The following CCDC7 variants were observed in gnomAD, a reference collection of about 807,000 sequenced individuals.
CCDC7 encodes the protein coiled-coil domain-containing protein 7.
A neutral mutation model predicts 196.9 loss-of-function variants in CCDC7; 183 were observed. That is an observed-to-expected ratio of 0.93 (90% CI 0.82 to 1.05). The LOEUF is 1.05. Ranked by LOEUF, CCDC7 falls within the 50% of genes least tolerant of loss-of-function variation. The pLI is 0.00. For synonymous variants in CCDC7, 525 were observed against 484.6 expected (o/e 1.08, Z -1.10); for missense variants, 1,540 against 1,482.2 (o/e 1.04, Z -0.64).
intron 16 of CCDC7, among the ~76,000 whole-genome samples, chr10:32,573,776 A>C (rs2057868000): frequency 6.6e-6 from 1 of 152,182 alleles, no homozygotes; most frequent in African/African-American, 2.4e-5. Flanking sequence ...GAGGAAGATT[A>C]TTTTAATTCA....
chr10:32,804,606 G>C (rs373403362), intron 29 of CCDC7, among the ~76,000 whole-genome samples: 1 of 151,950 alleles, frequency 6.6e-6, no homozygotes, highest in Non-Finnish European at 1.5e-5. Flanking sequence ...GTTATGTTTC[G>C]TCTTACCAGG....
At chr10:32,701,930 C>G (rs1050569924) in intron 24 of CCDC7, among the ~76,000 whole-genome samples, 3 of 152,016 alleles carry the variant, frequency 2.0e-5, no homozygotes, top group African/African-American at 7.2e-5. Context: ...TAGTCTTGCT[C>G]TAGCGGTCTG....
chr10:32,711,126 G>GTGTATA (rs1555042333), intron 24 of CCDC7, among the ~76,000 whole-genome samples: 48 of 146,742 alleles, frequency 3.3e-4, no homozygotes, highest in African/African-American at 1.2e-3. Context: ...GTGTGTGTGT[G>GTGTATA]TATATATATA....
intron 14 of CCDC7, among the ~76,000 whole-genome samples, chr10:32,566,454 TAAG>T (rs2056805412): frequency 6.6e-6 from 1 of 152,124 alleles, no homozygotes; most frequent in Non-Finnish European, 1.5e-5. Flanking sequence ...TGTCCATTGT[TAAG>T]GAGTTTGCTA....
chr10:32,626,510 G>T (rs970672807), intron 18 of CCDC7, among the ~76,000 whole-genome samples: 4 of 151,744 alleles, frequency 2.6e-5, no homozygotes, highest in African/African-American at 9.7e-5. Flanking sequence ...TAATTCATAG[G>T]TTGTCTCTTC....
rs180697424 is a variant in CCDC7, at chr10:32,596,089, G to A, written c.1801+11785G>A. Among the ~76,000 whole-genome samples the A allele has an allele frequency of 1.9e-3, 293 of 152,254 alleles. 1 individual carries two copies. The highest frequency in any genetic ancestry group is 5.4e-4 in the Non-Finnish European group (37 of 68,024). ...TGTTGCAGAGCTGAGTTCATTTCCT[G>A]GATATCCTTGTTAACTTTCTGTCTG... On this transcript the variant is annotated intron_variant, in intron 18 of 41. Transcript: ENST00000639629.
intron 28 of CCDC7, among the ~76,000 whole-genome samples, chr10:32,743,021 A>G (rs1298470451): frequency 6.6e-6 from 1 of 152,222 alleles, no homozygotes; most frequent in African/African-American, 2.4e-5. Context: ...GTAGTGCTGA[A>G]TACTCTGGAT....
intron 29 of CCDC7, among the ~76,000 whole-genome samples, chr10:32,780,077 A>C (rs1247620272): frequency 6.6e-6 from 1 of 152,162 alleles, no homozygotes; most frequent in African/African-American, 2.4e-5. Flanking sequence ...TCTCTACAAA[A>C]ATACAAAAAA....
At chr10:32,570,359 T>A (rs542041712) in intron 15 of CCDC7, among the ~76,000 whole-genome samples, 2 of 152,338 alleles carry the variant, frequency 1.3e-5, no homozygotes, top group African/African-American at 4.8e-5. Flanking sequence ...GACTAATTGG[T>A]CTCTCTCTTT....
chr10:32,509,360 AGAAT>A (rs887803911), intron 9 of CCDC7, among the ~76,000 whole-genome samples: 1 of 152,206 alleles, frequency 6.6e-6, no homozygotes, highest in Admixed American at 6.5e-5. Context: ...TATATGCAAA[AGAAT>A]GATGTTGGAC....
rs2083515541 is a variant in CCDC7 at position 32,729,000 on chromosome 10, G to A, written c.2779+3G>A. 1 of 1,543,832 alleles carries A rather than the reference G, an allele frequency of 6.5e-7. No individual in the cohort carries two copies. The highest frequency in any genetic ancestry group is 8.9e-7 in the Non-Finnish European group (1 of 1,120,532). On this transcript the variant is annotated splice_donor_region_variant and intron_variant, in intron 27 of 41. Coordinates refer to ENST00000639629, the Ensembl canonical transcript of CCDC7. ...TTCTGGAGTGGAAAGACACAAGAGTGAGTATAATAATTATCGATAACTTTA... is the reference window on the plus strand; with the variant it reads ...TTCTGGAGTGGAAAGACACAAGAGTAAGTATAATAATTATCGATAACTTTA...
At chr10:32,633,696 A>ATATGTGTGTG (rs779341941) in intron 18 of CCDC7, among the ~76,000 whole-genome samples, 21 of 135,226 alleles carry the variant, frequency 1.6e-4, no homozygotes, top group South Asian at 8.2e-4. Context: ...ATATATATAT[A>ATATGTGTGTG]TGTGTGTGTG....
intron 18 of CCDC7, among the ~76,000 whole-genome samples, chr10:32,623,436 T>C (rs971056796): frequency 2.0e-5 from 3 of 152,196 alleles, no homozygotes; most frequent in Admixed American, 6.5e-5. Flanking sequence ...TTTTTTAATA[T>C]ATTTTCATTT....
rs558470497 is a variant in CCDC7 at position 32,506,531 on chromosome 10, G to A, written c.873-11414G>A. On this transcript the variant is annotated intron_variant, in intron 9 of 41. Coordinates refer to ENST00000639629, the Ensembl canonical transcript of CCDC7. Reference sequence around the variant, plus strand: ...TGGGAGGTGGAGGTTGTAGCGAGCCGAGATCACGCCACTGCACTCCAGCCT... The same window carrying A: ...TGGGAGGTGGAGGTTGTAGCGAGCCAAGATCACGCCACTGCACTCCAGCCT... Among the ~76,000 whole-genome samples the A allele has an allele frequency of 2.0e-4, 31 of 152,308 alleles. No homozygotes were observed. In the East Asian group the frequency reaches 4.8e-3, roughly 24 times the overall value.
chr10:32,739,157 T>C (rs1351088830), intron 28 of CCDC7, among the ~76,000 whole-genome samples: 1 of 152,130 alleles, frequency 6.6e-6, no homozygotes, highest in African/African-American at 2.4e-5. Context: ...TCTGAGCATC[T>C]AGGATCTGTG....
At chr10:32,765,094 A>G (rs2078061767) in intron 28 of CCDC7, among the ~76,000 whole-genome samples, 1 of 151,982 alleles carries the variant, frequency 6.6e-6, no homozygotes, top group Non-Finnish European at 1.5e-5. Flanking sequence ...CTCTCAATCA[A>G]TTCCCAGACT....
chr10:32,597,617 C>G (rs2060529257), intron 18 of CCDC7, among the ~76,000 whole-genome samples: 1 of 152,188 alleles, frequency 6.6e-6, no homozygotes, highest in African/African-American at 2.4e-5. Flanking sequence ...TTAGAATATT[C>G]AGCTTTTCTG....
intron 33 of CCDC7, among the ~76,000 whole-genome samples, chr10:32,838,342 T>C (rs1046768110): frequency 6.6e-6 from 1 of 152,022 alleles, no homozygotes. Flanking sequence ...AAATGCTAAG[T>C]GCACTGGGAA....
intron 8 of CCDC7, among the ~76,000 whole-genome samples, chr10:32,486,406 G>T (rs907559563): frequency 6.6e-6 from 1 of 151,254 alleles, no homozygotes; most frequent in African/African-American, 2.4e-5. Context: ...CACGTGAGAT[G>T]GGTTTCCTGA....
Sources: gnomAD v4.1 joint callset for allele counts (sites outside exome capture counted in the v4.1 genomes callset) on GRCh38, gnomAD v4.1.1 for gene constraint, MANE v1.5 for transcripts, NCBI Gene and HGNC (gene_info 2026-07-23, HGNC 2026-07-21) for gene names.